The following CPNE5 variants were observed in gnomAD, a reference collection of about 807,000 sequenced individuals.
CPNE5 encodes the protein copine-5.
In CPNE5, 42 loss-of-function variants were observed where a neutral mutation model predicts 81.1. The observed-to-expected ratio is 0.52, with a 90% CI of 0.40 to 0.67. CPNE5 has a LOEUF of 0.67. Among genes scored for constraint, CPNE5 ranks in the 30% least tolerant of loss-of-function variants. The probability of loss-of-function intolerance (pLI) is 0.00; values close to 1 mark genes in which losing one functional copy is unlikely to be tolerated. For missense variants in CPNE5, 612 were observed against 815.5 expected, an observed-to-expected ratio of 0.75 and a Z score of 3.04; for synonymous variants, 313 against 321.5, an observed-to-expected ratio of 0.97 and a Z score of 0.28.
intron 3 of CPNE5, among the ~76,000 whole-genome samples, chr6:36,819,054 T>C (rs1392521010): frequency 2.0e-5 from 3 of 152,228 alleles, no homozygotes; most frequent in Non-Finnish European, 2.9e-5. Flanking sequence ...GGTGGAATAG[T>C]AAACTTTAGC....
chr6:36,745,533 G>A lies in CPNE5; in HGVS notation c.1201-18C>T. ...TTGCCATTCTGGGGGACAGAGGGCAGGGAGGCTGAGCCCAGGAAGGAAGGA... is the reference window on the plus strand; with the variant it reads ...TTGCCATTCTGGGGGACAGAGGGCAAGGAGGCTGAGCCCAGGAAGGAAGGA... On this transcript the variant is annotated intron_variant, in intron 16 of 20. Transcript: ENST00000244751. 1.3e-6 allele frequency: 2 copies of A among 1,594,270 alleles called. No individual in the cohort carries two copies. Among genetic ancestry groups the A allele is most frequent in the Non-Finnish European group, 1.7e-6 (2 of 1,170,036 alleles).
intron 1 of CPNE5, among the ~76,000 whole-genome samples, chr6:36,834,306 AGGG>A (rs1266186345): frequency 0.15 from 14,068 of 95,898 alleles, 1,319 homozygotes; most frequent in South Asian, 0.22. Flanking sequence ...GGAGGGAGGG[AGGG>A]AGGAAGGAAG....
At chr6:36,758,838 G>C (rs753530254) in intron 12 of CPNE5, among the ~76,000 whole-genome samples, 2 of 152,180 alleles carry the variant, frequency 1.3e-5, no homozygotes, top group Non-Finnish European at 2.9e-5. Flanking sequence ...TGAGGGCCTG[G>C]GCGAGATGGT....
At chr6:36,811,878 C>A (rs934909349) in intron 3 of CPNE5, among the ~76,000 whole-genome samples, 1 of 151,982 alleles carries the variant, frequency 6.6e-6, no homozygotes, top group African/African-American at 2.4e-5. Flanking sequence ...CCGAGGTGGG[C>A]GGATCTCCTG....
chr6:36,831,638 C>CAAAAAAAAAA lies in CPNE5; in HGVS notation c.95+7635_95+7644dup, dbSNP rs35409136. Among the ~76,000 whole-genome samples the CAAAAAAAAAA allele has an allele frequency of 1.6e-3, 133 of 83,924 alleles. 3 individuals are homozygous for CAAAAAAAAAA. The highest frequency in any genetic ancestry group is 5.7e-3 in the African/African-American group (121 of 21,174). The allele number at this position is 83,924 out of a possible 152,430, so 55.1% of individuals were successfully genotyped here. On this transcript the variant is annotated intron_variant, in intron 1 of 20. Transcript: ENST00000244751. ...TGGGTGACAGAGTGAGACACCATCT[C>CAAAAAAAAAA]AAAAAAAAAAAAAAAAAAAGGCCTC... is the stretch of plus-strand genomic sequence containing the variant.
At chr6:36,751,282 C>G (rs1473819087) in intron 14 of CPNE5, among the ~76,000 whole-genome samples, 5 of 152,246 alleles carry the variant, frequency 3.3e-5, no homozygotes, top group Non-Finnish European at 7.3e-5. Flanking sequence ...TTTAACTCAT[C>G]AGTCTCCATC....
rs73414220 is a variant in CPNE5, at chr6:36,747,672, A to C, written c.1018+549T>G. 7.6e-3 allele frequency among the ~76,000 whole-genome samples: 1,154 copies of C among 152,322 alleles called. 11 individuals carry two copies. The highest frequency in any genetic ancestry group is 0.023 in the African/African-American group (954 of 41,564). On this transcript the variant is annotated intron_variant, in intron 15 of 20. Transcript: ENST00000244751. The stretch of plus-strand genomic sequence containing the variant: ...GCACCCCTAATAGAGCCCAGAGCCC[A>C]AGGGAGGTTGTGATGTTTCTAATCA...
chr6:36,742,563 C>T, intron 20 of CPNE5, 77 bp from the exon 21 acceptor site: 1 of 1,541,932 alleles, frequency 6.5e-7, no homozygotes, highest in Non-Finnish European at 8.7e-7. Context: ...CCTGGGGTTG[C>T]ATCCCCACCC....
chr6:36,743,098 A>G, intron 20 of CPNE5: 1 of 985,268 alleles, frequency 1.0e-6, no homozygotes. Context: ...CTGGGCCCCA[A>G]TTTTTAAACC....
chr6:36,752,998 C>G (rs1765016756), intron 14 of CPNE5, 36 bp downstream of exon 14: 1 of 1,563,646 alleles, frequency 6.4e-7, no homozygotes, highest in Non-Finnish European at 8.8e-7. Context: ...TTTCCCTCTC[C>G]CCAAGGCCCA....
At chr6:36,836,461 TA>T (rs1297308233) in intron 1 of CPNE5, among the ~76,000 whole-genome samples, 2 of 152,128 alleles carry the variant, frequency 1.3e-5, no homozygotes, top group Non-Finnish European at 2.9e-5. Flanking sequence ...TGGCAACTCA[TA>T]ATCTTCCCTG....
intron 7 of CPNE5, among the ~76,000 whole-genome samples, chr6:36,793,832 T>G (rs1769312818): frequency 6.6e-6 from 1 of 152,170 alleles, no homozygotes; most frequent in Admixed American, 6.5e-5. Context: ...AGGGGAGCTC[T>G]GCTTACCCCA....
rs571017183 is a variant in CPNE5, at chr6:36,783,422, A to C, written c.529-4465T>G. Among the ~76,000 whole-genome samples the C allele has an allele frequency of 3.4e-4, 51 of 148,808 alleles. 2 individuals are homozygous for C. In the East Asian group the frequency reaches 9.1e-3, roughly 27 times the overall value. ...AAAGGTTCTACCTAGTACGTGCTAT[A>C]GTAGGTAGATATAATGTTATATGTA... is the stretch of plus-strand genomic sequence containing the variant. On this transcript the variant is annotated intron_variant, in intron 8 of 20. Coordinates refer to ENST00000244751, the MANE Select transcript of CPNE5 (RefSeq NM_020939.2).
At chr6:36,834,320 G>GA (rs1467629638) in intron 1 of CPNE5, among the ~76,000 whole-genome samples, 5 of 117,522 alleles carry the variant, frequency 4.3e-5, no homozygotes, top group South Asian at 3.5e-4. Context: ...AGGAAGGAAG[G>GA]AAAGAAAAAA....
intron 3 of CPNE5, among the ~76,000 whole-genome samples, chr6:36,813,323 G>C (rs901201377): frequency 2.0e-5 from 3 of 152,178 alleles, no homozygotes; most frequent in African/African-American, 4.8e-5. Flanking sequence ...CTGAGGTCAG[G>C]AGTTCAAGAC....
intron 12 of CPNE5, chr6:36,757,220 T>A (rs932402042): frequency 3.5e-6 from 2 of 564,736 alleles, no homozygotes; most frequent in African/African-American, 4.1e-5. Context: ...TTGTTTTTAA[T>A]AAGGGAAGTC....
At chr6:36,812,080 G>A (rs1582981626) in intron 3 of CPNE5, among the ~76,000 whole-genome samples, 1 of 152,284 alleles carries the variant, frequency 6.6e-6, no homozygotes, top group Admixed American at 6.5e-5. Context: ...CTCCAGCCTG[G>A]GCGACAGAGT....
At chr6:36,839,592 C>T (rs1359747941), upstream of CPNE5, 2 of 454,128 alleles carry the variant, frequency 4.4e-6, no homozygotes, top group African/African-American at 2.1e-5. This position sits in a 1 kb window ranked among gnomAD's most constrained non-coding sequence, Gnocchi z 7.3. Flanking sequence ...TCGGGTGACG[C>T]CGCGAGGAGG....
intron 3 of CPNE5, among the ~76,000 whole-genome samples, chr6:36,806,394 G>A (rs995957496): frequency 1.3e-5 from 2 of 152,096 alleles, no homozygotes; most frequent in African/African-American, 2.4e-5. Context: ...CAGCTCCATG[G>A]TTCTGGGAGA....
Sources: allele counts gnomAD v4.1 joint callset (sites outside exome capture counted in the v4.1 genomes callset), GRCh38; gene constraint gnomAD v4.1.1; non-coding constraint Gnocchi (gnomAD v3.1); transcripts MANE v1.5; gene names NCBI Gene and HGNC (gene_info 2026-07-23, HGNC 2026-07-21).